ADAMTS20: variants seen among roughly 807,000 people sequenced by gnomAD.
ADAMTS20 encodes the protein ADAM metallopeptidase with thrombospondin type 1 motif 20, also known as A disintegrin and metalloproteinase with thrombospondin motifs 20.
ADAMTS20 carries 225 observed loss-of-function variants against 260.1 expected under a neutral mutation model. The ratio of observed to expected loss-of-function variants is 0.87; its 90% CI spans 0.78 to 0.97. The LOEUF (loss-of-function observed/expected upper bound fraction) is 0.97, where lower values mean the gene tolerates loss of function less well. Ranked by LOEUF, ADAMTS20 falls within the 50% of genes least tolerant of loss-of-function variation. The probability of loss-of-function intolerance (pLI) is 0.00; values close to 1 mark genes in which losing one functional copy is unlikely to be tolerated. For synonymous variants in ADAMTS20, 802 were observed against 769.5 expected (o/e 1.04, Z -0.70); for missense variants, 2,400 against 2,337.7 (o/e 1.03, Z -0.55).
rs186059123 is a variant in ADAMTS20 at position 43,384,317 on chromosome 12, C to T, written c.4453-340G>A. On this transcript the variant is annotated intron_variant, in intron 29 of 38. Transcript: ENST00000389420. ...AATCATGAATTATTCCACAACATTGCTTTTAAATGTCAATTAAATTCTTAG... is the reference window on the plus strand; with the variant it reads ...AATCATGAATTATTCCACAACATTGTTTTTAAATGTCAATTAAATTCTTAG... Among the ~76,000 whole-genome samples, 440 of 152,222 alleles carry T rather than the reference C, an allele frequency of 2.9e-3. 1 individual carries two copies. The highest frequency in any genetic ancestry group is 4.5e-3 in the Non-Finnish European group (303 of 68,018).
intron 38 of ADAMTS20, among the ~76,000 whole-genome samples, chr12:43,355,690 C>A (rs970086317): frequency 3.0e-4 from 45 of 151,976 alleles, no homozygotes; most frequent in Admixed American, 5.3e-4. Flanking sequence ...ACACCTATAA[C>A]CTAGATCCAG....
intron 2 of ADAMTS20, among the ~76,000 whole-genome samples, chr12:43,546,360 C>G (rs980378776): frequency 6.6e-6 from 1 of 152,084 alleles, no homozygotes; most frequent in East Asian, 1.9e-4. Flanking sequence ...GAAACTGTTT[C>G]CTTCAACCAG....
intron 18 of ADAMTS20, among the ~76,000 whole-genome samples, chr12:43,438,736 T>C (rs1157329300): frequency 1.3e-5 from 2 of 152,150 alleles, no homozygotes; most frequent in East Asian, 3.9e-4. Flanking sequence ...TCCTTTGCCC[T>C]GACCCACTCC....
At chr12:43,366,190 A>AGATAAATTAGTATAT (rs1939982286) in intron 37 of ADAMTS20, among the ~76,000 whole-genome samples, 1 of 151,892 alleles carries the variant, frequency 6.6e-6, no homozygotes, top group East Asian at 1.9e-4. Context: ...GAGTGGCCAC[A>AGATAAATTAGTATAT]CTAGTATCAG....
At chr12:43,481,260 T>C (rs901331739) in intron 7 of ADAMTS20, among the ~76,000 whole-genome samples, 1 of 152,104 alleles carries the variant, frequency 6.6e-6, no homozygotes, top group Non-Finnish European at 1.5e-5. Flanking sequence ...ACACTAGGCC[T>C]AAATGGGTTA....
intron 7 of ADAMTS20, among the ~76,000 whole-genome samples, chr12:43,476,104 G>A (rs1942348986): frequency 1.2e-5 from 1 of 82,812 alleles, no homozygotes; most frequent in Non-Finnish European, 2.3e-5. Context: ...ATCTGACAAA[G>A]GGCTAATATC....
intron 3 of ADAMTS20, among the ~76,000 whole-genome samples, chr12:43,516,180 C>T (rs1400313639): frequency 6.6e-6 from 1 of 152,138 alleles, no homozygotes; most frequent in African/African-American, 2.4e-5. Flanking sequence ...CTCACTCCAA[C>T]ATATGACCTT....
chr12:43,382,760 T>TAG (rs1940381756), intron 31 of ADAMTS20, among the ~76,000 whole-genome samples: 1 of 151,684 alleles, frequency 6.6e-6, no homozygotes, highest in Non-Finnish European at 1.5e-5. Flanking sequence ...AAATGTTAAG[T>TAG]AGAGATATGG....
chr12:43,369,765 T>C (rs1940066792), intron 36 of ADAMTS20, among the ~76,000 whole-genome samples: 1 of 152,118 alleles, frequency 6.6e-6, no homozygotes, highest in African/African-American at 2.4e-5. Context: ...AACAATAAAA[T>C]TGAATGCTTA....
intron 29 of ADAMTS20, among the ~76,000 whole-genome samples, chr12:43,387,849 C>T (rs1037094809): frequency 1.1e-4 from 17 of 152,168 alleles, no homozygotes; most frequent in Non-Finnish European, 1.8e-4. Flanking sequence ...AACTGTCTGT[C>T]AAGTCTCAGT....
chr12:43,405,005 T>G (rs1940884805), intron 28 of ADAMTS20, among the ~76,000 whole-genome samples: 1 of 151,856 alleles, frequency 6.6e-6, no homozygotes, highest in Non-Finnish European at 1.5e-5. Flanking sequence ...GTTTAGTTAT[T>G]CCAGGTCAAT....
chr12:43,434,666 T>G (rs1239625543), intron 18 of ADAMTS20, among the ~76,000 whole-genome samples: 1 of 152,214 alleles, frequency 6.6e-6, no homozygotes, highest in African/African-American at 2.4e-5. Context: ...TGGTGAATAA[T>G]TGAGTAGCTA....
chr12:43,471,109 G>C (rs1370974833), intron 7 of ADAMTS20, among the ~76,000 whole-genome samples: 1 of 152,124 alleles, frequency 6.6e-6, no homozygotes, highest in Non-Finnish European at 1.5e-5. Context: ...CAGACAGTGG[G>C]CGCAGGCCAG....
At chr12:43,436,496 G>GATA (rs34218766) in intron 18 of ADAMTS20, among the ~76,000 whole-genome samples, 1 of 151,636 alleles carries the variant, frequency 6.6e-6, no homozygotes, top group Admixed American at 6.6e-5. Context: ...TTTAAAATAT[G>GATA]ATTTGAACAT....
At chr12:43,433,703 AACACACAC>A (rs56226241) in intron 19 of ADAMTS20, 45,194 of 354,776 alleles carry the variant, frequency 0.13, 2,103 homozygotes, top group East Asian at 0.45. Flanking sequence ...TGCACACACA[AACACACAC>A]ACACACACAC....
Position 43,492,106 on chromosome 12 carries a change from C to T in ADAMTS20, c.1076+399G>A, listed in dbSNP as rs182962294. ...AAAGAATTAAGAAGAAGTGGCCGGG[C>T]GCGGTGGCTCACGCCTGTAATCCCA... On this transcript the variant is annotated intron_variant, in intron 6 of 38. Transcript: ENST00000389420. Among the ~76,000 whole-genome samples, 892 of 152,234 alleles carry T rather than the reference C, an allele frequency of 5.9e-3. 9 individuals are homozygous for T. The highest frequency in any genetic ancestry group is 8.4e-3 in the Non-Finnish European group (568 of 68,008).
chr12:43,464,802 A>AT (rs1942125542), intron 9 of ADAMTS20, 70 bp from the exon 10 acceptor site: 2 of 1,479,522 alleles, frequency 1.4e-6, no homozygotes, highest in Admixed American at 2.4e-5. Flanking sequence ...TCTTTATCAC[A>AT]TTTTTTGTAG....
chr12:43,419,735 CACAA>C, intron 28 of ADAMTS20, among the ~76,000 whole-genome samples: 1 of 152,018 alleles, frequency 6.6e-6, no homozygotes, highest in East Asian at 1.9e-4. Flanking sequence ...AACACACACA[CACAA>C]ACACACACAC....
At position 43,502,262 on chromosome 12, in the gene ADAMTS20, G is replaced by GT. The variant is rs1565574395; in HGVS notation, c.756dup (p.Arg253ThrfsTer10). The GT allele has an allele frequency of 2.5e-6, 4 of 1,611,970 alleles. No individual in the cohort carries two copies. The highest frequency in any genetic ancestry group is 3.4e-6 in the Non-Finnish European group (4 of 1,179,224). On this transcript the variant is annotated frameshift_variant, in exon 4 of 39. Transcript: ENST00000389420. LOFTEE classifies it high-confidence loss of function. The stretch of plus-strand genomic sequence containing the variant: ...ATGTATCTTGGATATGATATAAGAC[G>GT]TTTTTTCCTGGAATGTCTTCTTTCA...
Sources: gnomAD v4.1 joint callset for allele counts (sites outside exome capture counted in the v4.1 genomes callset) on GRCh38, gnomAD v4.1.1 for gene constraint, MANE v1.5 for transcripts, NCBI Gene and HGNC (gene_info 2026-07-23, HGNC 2026-07-21) for gene names.